Variants in SFSWAP observed in about 807,000 individuals in gnomAD.
SFSWAP encodes splicing factor SWAP, also known as splicing factor, suppressor of white-apricot homolog.
In SFSWAP, 17 loss-of-function variants were observed where a neutral mutation model predicts 100.7. That is an observed-to-expected ratio of 0.17 (90% CI 0.12 to 0.25). SFSWAP has a LOEUF of 0.25. Among genes scored for constraint, SFSWAP ranks in the 10% least tolerant of loss-of-function variants. SFSWAP has a pLI of 1.00. For missense variants in SFSWAP, 1,005 were observed against 1,262.6 expected, an observed-to-expected ratio of 0.80 and a Z score of 3.09; for synonymous variants, 504 against 510.1, an observed-to-expected ratio of 0.99 and a Z score of 0.16.
rs1384523054 is a variant in SFSWAP, at chr12:131,794,402, T to C, written c.2535-2776T>C. On this transcript the variant is annotated intron_variant, in intron 15 of 17. Coordinates refer to ENST00000261674, the MANE Select transcript of SFSWAP (RefSeq NM_004592.4). The surrounding 1 kb of genome is among the most constrained non-coding windows in gnomAD (Gnocchi z 4.8). ...AAAAAAAAAAATTAGCCATTTGTGG[T>C]GGCGTCTGCCTGTCGTCCCAGCTAC... 1.4e-5 allele frequency among the ~76,000 whole-genome samples: 2 copies of C among 148,146 alleles called. No homozygotes were observed. The highest frequency in any genetic ancestry group is 3.0e-5 in the Non-Finnish European group (2 of 67,268).
intron 4 of SFSWAP, among the ~76,000 whole-genome samples, chr12:131,723,484 A>T (rs1426186853): frequency 6.6e-6 from 1 of 152,108 alleles, no homozygotes; most frequent in African/African-American, 2.4e-5. Flanking sequence ...TACTGCTGGT[A>T]CTTCTGTATT....
chr12:131,731,451 A>C (rs1195937461), intron 7 of SFSWAP, among the ~76,000 whole-genome samples: 1 of 152,152 alleles, frequency 6.6e-6, no homozygotes, highest in Non-Finnish European at 1.5e-5. Flanking sequence ...TTTTCAGTGA[A>C]GTTGTTGCAG....
intron 13 of SFSWAP, among the ~76,000 whole-genome samples, chr12:131,773,146 C>A (rs1883751416): frequency 6.6e-6 from 1 of 152,144 alleles, no homozygotes; most frequent in Non-Finnish European, 1.5e-5. Flanking sequence ...GGCCACGGGT[C>A]CAGGCTTGAG....
intron 7 of SFSWAP, among the ~76,000 whole-genome samples, chr12:131,735,186 C>A (rs1879888431): frequency 6.6e-6 from 1 of 152,126 alleles, no homozygotes; most frequent in Non-Finnish European, 1.5e-5. Flanking sequence ...CAAGTCCCCA[C>A]AACCTCCCCC....
intron 7 of SFSWAP, among the ~76,000 whole-genome samples, chr12:131,747,671 G>A (rs534970994): frequency 5.9e-5 from 9 of 152,332 alleles, no homozygotes; most frequent in Middle Eastern, 3.4e-3. Flanking sequence ...ATCATCGGGC[G>A]TCAGCCTTGG....
chr12:131,786,371 G>A, intron 14 of SFSWAP, 92 bp from the exon 15 acceptor site: 1 of 1,452,396 alleles, frequency 6.9e-7, no homozygotes, highest in Non-Finnish European at 9.2e-7. Flanking sequence ...AGCCTCTGCA[G>A]ACGGGGCCTG....
At chr12:131,756,912 T>C in intron 11 of SFSWAP, 1 of 374,282 alleles carries the variant, frequency 2.7e-6, no homozygotes, top group African/African-American at 2.1e-5. Flanking sequence ...ACAGAAAGTT[T>C]CAAATAATCC....
chr12:131,747,041 T>C (rs1316376534), intron 7 of SFSWAP, among the ~76,000 whole-genome samples: 1 of 148,072 alleles, frequency 6.8e-6, no homozygotes, highest in Non-Finnish European at 1.5e-5. Context: ...GAGGCAGAGC[T>C]TGCAGTGAGC....
chr12:131,762,898 C>T (rs1287740798), intron 11 of SFSWAP, among the ~76,000 whole-genome samples: 1 of 152,156 alleles, frequency 6.6e-6, no homozygotes, highest in Non-Finnish European at 1.5e-5. Flanking sequence ...TGCACCCGGC[C>T]AATTTTTTTT....
intron 6 of SFSWAP, 128 bp downstream of exon 6, chr12:131,727,180 G>A: frequency 3.1e-6 from 2 of 644,310 alleles, no homozygotes; most frequent in Non-Finnish European, 5.4e-6. Flanking sequence ...TCATTGAGGT[G>A]TATTTGCATT....
chr12:131,724,637 A>G (rs1477690831), intron 4 of SFSWAP, among the ~76,000 whole-genome samples: 1 of 152,258 alleles, frequency 6.6e-6, no homozygotes, highest in African/African-American at 2.4e-5. Flanking sequence ...TGTGGCTTTC[A>G]GCCTTTGGTC....
chr12:131,792,647 A>G (rs1885350763), intron 15 of SFSWAP, among the ~76,000 whole-genome samples: 1 of 151,916 alleles, frequency 6.6e-6, no homozygotes, highest in Non-Finnish European at 1.5e-5. Context: ...GTGCACATGC[A>G]TGTGTGTTCA....
intron 7 of SFSWAP, among the ~76,000 whole-genome samples, chr12:131,750,314 C>T (rs1480356807): frequency 6.6e-6 from 1 of 152,246 alleles, no homozygotes; most frequent in African/African-American, 2.4e-5. Flanking sequence ...CCCACATTCT[C>T]TGTCGGCAGA....
chr12:131,739,480 A>G (rs1385213022), intron 7 of SFSWAP, among the ~76,000 whole-genome samples: 1 of 118,320 alleles, frequency 8.5e-6, no homozygotes, highest in Non-Finnish European at 1.8e-5. Flanking sequence ...TAGAAATATT[A>G]TTTTTATATT....
At chr12:131,723,476 C>G (rs950077230) in intron 4 of SFSWAP, among the ~76,000 whole-genome samples, 3 of 152,118 alleles carry the variant, frequency 2.0e-5, no homozygotes, top group Non-Finnish European at 4.4e-5. Context: ...CCTATATTTA[C>G]TGCTGGTACT....
At chr12:131,744,523 C>T (rs1354382527) in intron 7 of SFSWAP, among the ~76,000 whole-genome samples, 4 of 152,216 alleles carry the variant, frequency 2.6e-5, no homozygotes, top group Non-Finnish European at 4.4e-5. Flanking sequence ...CAGCCTGGAC[C>T]TTATTGTTCC....
At chr12:131,797,125 T>C (rs1885732252) in intron 15 of SFSWAP, 53 bp from the exon 16 acceptor site, 1 of 1,533,712 alleles carries the variant, frequency 6.5e-7, no homozygotes, top group Non-Finnish European at 8.9e-7. Flanking sequence ...TCTCCCTTTG[T>C]GCCCTGCCTT....
rs182484027 is a variant in SFSWAP, at chr12:131,734,268, G to A, written c.1081+5840G>A. Reference sequence around the variant, plus strand: ...GACAGGGCCCACACACTGGATTCACGTTTTTCCTCACAACTTAGAATAGCA... The same window carrying A: ...GACAGGGCCCACACACTGGATTCACATTTTTCCTCACAACTTAGAATAGCA... On this transcript the variant is annotated intron_variant, in intron 7 of 17. Transcript: ENST00000261674. The surrounding 1 kb of genome is among the most constrained non-coding windows in gnomAD (Gnocchi z 4.9). Among the ~76,000 whole-genome samples, 46 of 152,328 alleles carry A rather than the reference G, an allele frequency of 3.0e-4. No individual in the cohort carries two copies. Among genetic ancestry groups the A allele is most frequent in the African/African-American group, 1.1e-3 (45 of 41,576 alleles).
rs372641056 is a variant in SFSWAP, at chr12:131,799,498, A to G, written c.*10A>G. 2.7e-4 allele frequency: 428 copies of G among 1,613,354 alleles called. No homozygotes were observed. The Middle Eastern group carries it at 3.0e-3, about 11-fold the overall frequency. ...AACCAGCGCTTCCTGAGACGGGGCC[A>G]GCGGAGGCAGAGCCGGGAGGCTGCG... On this transcript the variant is annotated 3_prime_UTR_variant, in exon 18 of 18. Coordinates refer to ENST00000261674, the MANE Select transcript of SFSWAP (RefSeq NM_004592.4).
Sources: gnomAD v4.1 joint callset for allele counts (sites outside exome capture counted in the v4.1 genomes callset) on GRCh38, gnomAD v4.1.1 for gene constraint, Gnocchi (gnomAD v3.1) non-coding constraint, MANE v1.5 for transcripts, NCBI Gene and HGNC (gene_info 2026-07-23, HGNC 2026-07-21) for gene names.